The following NMNAT2 variants were observed in gnomAD, a reference collection of about 807,000 sequenced individuals.
NMNAT2 encodes nicotinamide/nicotinic acid mononucleotide adenylyltransferase 2.
In NMNAT2, 11 loss-of-function variants were observed where a neutral mutation model predicts 41.6. The observed-to-expected ratio is 0.26, with a 90% CI of 0.17 to 0.44. The LOEUF (loss-of-function observed/expected upper bound fraction) is 0.44. Ranked by LOEUF, NMNAT2 falls within the 20% of genes least tolerant of loss-of-function variation. The pLI, the probability that NMNAT2 is intolerant of heterozygous loss-of-function variation, is 1.00. For synonymous variants in NMNAT2, 148 were observed against 151.2 expected, an observed-to-expected ratio of 0.98 and a Z score of 0.16; for missense variants, 288 against 407.7, an observed-to-expected ratio of 0.71 and a Z score of 2.53.
chr1:183,265,780 A>C (rs971784226), intron 8 of NMNAT2, among the ~76,000 whole-genome samples: 2 of 152,182 alleles, frequency 1.3e-5, no homozygotes, highest in African/African-American at 4.8e-5. Context: ...AAAGATATCC[A>C]GGTTCTAATC....
At chr1:183,330,780 A>G (rs1389569495) in intron 1 of NMNAT2, among the ~76,000 whole-genome samples, 1 of 152,232 alleles carries the variant, frequency 6.6e-6, no homozygotes, top group Non-Finnish European at 1.5e-5. Context: ...TTCAAGCAGA[A>G]TCAGCGAGGT....
At chr1:183,344,051 C>T (rs1397907937) in intron 1 of NMNAT2, among the ~76,000 whole-genome samples, 1 of 152,184 alleles carries the variant, frequency 6.6e-6, no homozygotes. Flanking sequence ...TCCCTCATTG[C>T]TTACCTAGCA....
At chr1:183,337,569 CAAAAA>C (rs71127343) in intron 1 of NMNAT2, among the ~76,000 whole-genome samples, 3 of 100,644 alleles carry the variant, frequency 3.0e-5, no homozygotes, top group Non-Finnish European at 1.9e-5. Flanking sequence ...CTCTCCACAG[CAAAAA>C]AAAAAAAAAA....
At chr1:183,264,293 G>T (rs1474018457) in intron 8 of NMNAT2, among the ~76,000 whole-genome samples, 2 of 152,064 alleles carry the variant, frequency 1.3e-5, no homozygotes, top group African/African-American at 4.8e-5. Context: ...TGACATCAGT[G>T]CAGCTGCTGC....
At chr1:183,347,471 GATA>G (rs969355238) in intron 1 of NMNAT2, among the ~76,000 whole-genome samples, 3 of 151,972 alleles carry the variant, frequency 2.0e-5, no homozygotes, top group African/African-American at 7.3e-5. Context: ...AAATGATGAT[GATA>G]ATAATAATAA....
rs920639186 is a variant in NMNAT2, at chr1:183,403,561, G to C, written c.85+14622C>G. Among the ~76,000 whole-genome samples the C allele has an allele frequency of 2.0e-5, 3 of 151,592 alleles. No individual in the cohort carries two copies. In the Admixed American group the frequency reaches 2.0e-4, roughly 10 times the overall value. ...TCCATCCACTTTGAGAGCTTAGTAC[G>C]ACCACATATGAAACCACAAAGAACC... On this transcript the variant is annotated intron_variant, in intron 1 of 10. Transcript: ENST00000287713.
At chr1:183,404,740 G>T (rs1427602896) in intron 1 of NMNAT2, among the ~76,000 whole-genome samples, 1 of 152,204 alleles carries the variant, frequency 6.6e-6, no homozygotes, top group East Asian at 1.9e-4. Flanking sequence ...ATGCTGAATT[G>T]CCACCCCCGC....
At chr1:183,292,739 T>C in intron 3 of NMNAT2, 51 bp downstream of exon 3, 1 of 1,535,276 alleles carries the variant, frequency 6.5e-7, no homozygotes, top group Non-Finnish European at 9.0e-7. Context: ...CCCACCCCAC[T>C]CCCAGTAAGT....
chr1:183,320,839 G>T (rs1214345260), intron 1 of NMNAT2, among the ~76,000 whole-genome samples: 2 of 152,216 alleles, frequency 1.3e-5, no homozygotes, highest in Non-Finnish European at 2.9e-5. Context: ...CAGTGGAACT[G>T]CCTCTGTCCT....
intron 1 of NMNAT2, among the ~76,000 whole-genome samples, chr1:183,306,823 G>A (rs984474899): frequency 1.3e-5 from 2 of 152,118 alleles, no homozygotes; most frequent in Non-Finnish European, 2.9e-5. Flanking sequence ...TCACCAGCTG[G>A]GTGACCTTGG....
intron 1 of NMNAT2, among the ~76,000 whole-genome samples, chr1:183,351,129 A>G (rs796801714): frequency 6.6e-6 from 1 of 152,178 alleles, no homozygotes; most frequent in African/African-American, 2.4e-5. Context: ...AGCCACTTAT[A>G]TCTTTATCTG....
intron 7 of NMNAT2, among the ~76,000 whole-genome samples, chr1:183,281,105 TG>T (rs1224756484): frequency 1.3e-5 from 2 of 152,146 alleles, no homozygotes. Flanking sequence ...GTATTTTATG[TG>T]TGGTCCAAGA....
At chr1:183,414,558 G>A (rs1649205066) in intron 1 of NMNAT2, among the ~76,000 whole-genome samples, 1 of 152,164 alleles carries the variant, frequency 6.6e-6, no homozygotes, top group Admixed American at 6.5e-5. Flanking sequence ...GCAGACCCAT[G>A]AGATATGACA....
chr1:183,339,198 T>C (rs1373146463), intron 1 of NMNAT2, among the ~76,000 whole-genome samples: 1 of 152,040 alleles, frequency 6.6e-6, no homozygotes, highest in African/African-American at 2.4e-5. Context: ...CCCGGGTTCA[T>C]GTCATTCTTC....
At chr1:183,278,874 A>C (rs1336012709) in intron 7 of NMNAT2, among the ~76,000 whole-genome samples, 2 of 152,114 alleles carry the variant, frequency 1.3e-5, no homozygotes, top group African/African-American at 4.8e-5. Flanking sequence ...AGGAGAGTAG[A>C]GCATAGCGGG....
At chr1:183,259,246 A>G (rs528487) in intron 10 of NMNAT2, among the ~76,000 whole-genome samples, 4,429 of 152,240 alleles carry the variant, frequency 0.029, 90 homozygotes, top group Non-Finnish European at 0.041. Context: ...TGGCGACTCT[A>G]ATGTGCAGCC....
At chr1:183,321,650 G>A (rs771431507) in intron 1 of NMNAT2, among the ~76,000 whole-genome samples, 3 of 151,934 alleles carry the variant, frequency 2.0e-5, no homozygotes, top group Non-Finnish European at 4.4e-5. Context: ...GTTGAGGTAG[G>A]AGAATAGCTT....
rs774098646 is a variant in NMNAT2 at position 183,293,783 on chromosome 1, C to T, written c.96G>A (p.Arg32=). 2 of 1,613,298 alleles carry T rather than the reference C, an allele frequency of 1.2e-6. No homozygotes were observed. The highest frequency in any genetic ancestry group is 1.7e-6 in the Non-Finnish European group (2 of 1,179,292). ...ACCTTCCAGTTTTGTGCAGATAATC[C>T]CTGGCTCTTTCTAATTAAGAGAAGA... ...KGHIQMFERA[R]DYLHKTGRFI... Residue 32 remains arginine (R), a synonymous_variant, in exon 2 of 11, where the codon AGG becomes AGA. Coordinates refer to ENST00000287713, the MANE Select transcript of NMNAT2 (RefSeq NM_015039.4).
At chr1:183,405,445 T>G (rs1648927675) in intron 1 of NMNAT2, among the ~76,000 whole-genome samples, 1 of 152,226 alleles carries the variant, frequency 6.6e-6, no homozygotes, top group Non-Finnish European at 1.5e-5. Context: ...AAAAATGGCT[T>G]TTTTATTACT....
Sources: allele counts gnomAD v4.1 joint callset (sites outside exome capture counted in the v4.1 genomes callset), GRCh38; gene constraint gnomAD v4.1.1; transcripts MANE v1.5; gene names NCBI Gene and HGNC (gene_info 2026-07-23, HGNC 2026-07-21).